Variants in TG observed in about 807,000 individuals in gnomAD.
The protein encoded by TG is thyroglobulin.
In TG, 270 loss-of-function variants were observed where a neutral mutation model predicts 324.7. The observed-to-expected ratio is 0.83, with a 90% CI of 0.75 to 0.92. The LOEUF (loss-of-function observed/expected upper bound fraction) is 0.92, where lower values mean the gene tolerates loss of function less well. TG is among the 40% of genes least tolerant of loss of function. The pLI, the probability that TG is intolerant of heterozygous loss-of-function variation, is 0.00. For missense variants in TG, 3,591 were observed against 3,456.4 expected, an observed-to-expected ratio of 1.04 and a Z score of -0.98; for synonymous variants, 1,401 against 1,327.0, an observed-to-expected ratio of 1.06 and a Z score of -1.21.
chr8:133,092,748 C>T (rs1847766273), intron 41 of TG, among the ~76,000 whole-genome samples: 1 of 152,188 alleles, frequency 6.6e-6, no homozygotes, highest in Non-Finnish European at 1.5e-5. Context: ...CAACTCCCCT[C>T]CTGCCCCCGA....
At chr8:132,966,529 G>T in intron 29 of TG, 31 bp from the exon 30 acceptor site, 1 of 1,613,628 alleles carries the variant, frequency 6.2e-7, no homozygotes, top group Non-Finnish European at 8.5e-7. Context: ...AGTTAAAGGT[G>T]CAGGAAGTTG....
intron 1 of TG, 128 bp downstream of exon 1, chr8:132,867,195 C>CG: frequency 3.1e-6 from 2 of 645,572 alleles, no homozygotes; most frequent in Non-Finnish European, 4.9e-6. Flanking sequence ...CAGTGATTTG[C>CG]TTTTTTTTTT....
chr8:132,882,727 G>C (rs1814823516), intron 7 of TG, 87 bp from the exon 8 acceptor site: 3 of 1,612,026 alleles, frequency 1.9e-6, no homozygotes, highest in Non-Finnish European at 2.5e-6. Context: ...GAGATGAAAA[G>C]AATCGTTAAG....
At chr8:133,007,331 A>G in intron 35 of TG, among the ~76,000 whole-genome samples, 1 of 151,918 alleles carries the variant, frequency 6.6e-6, no homozygotes, top group Non-Finnish European at 1.5e-5. Context: ...ATTTTTTTTT[A>G]AGTTTATGGA....
intron 35 of TG, chr8:132,988,601 G>A (rs1306427468): frequency 1.9e-6 from 1 of 536,228 alleles, no homozygotes; most frequent in Non-Finnish European, 2.4e-6. Context: ...TATCAACGGT[G>A]TATAGTGTAT....
At chr8:133,001,734 C>T in intron 35 of TG, 1 of 985,416 alleles carries the variant, frequency 1.0e-6, no homozygotes, top group Non-Finnish European at 1.2e-6. Flanking sequence ...TACAGGCCTC[C>T]AAGGCAGCTT....
intron 27 of TG, among the ~76,000 whole-genome samples, chr8:132,957,766 C>CACACACACAGACAG (rs1554680119): frequency 2.1e-5 from 3 of 145,492 alleles, no homozygotes; most frequent in African/African-American, 7.7e-5. Context: ...CACACACACA[C>CACACACACAGACAG]ACACACACAC....
At chr8:132,926,465 C>A (rs774429764) in intron 22 of TG, among the ~76,000 whole-genome samples, 1 of 152,242 alleles carries the variant, frequency 6.6e-6, no homozygotes, top group Non-Finnish European at 1.5e-5. Flanking sequence ...CCCCTCTGGG[C>A]TCTAACCTCA....
Position 132,888,249 on chromosome 8 carries a change from C to T in TG, c.2442C>T (p.Ser814=), listed in dbSNP as rs776488821. Reference sequence around the variant, plus strand: ...TCATGAGCTACAGAGAAGCAGCTTCCGGAAACTTCAGTCTCTTTATTCAAA... The same window carrying T: ...TCATGAGCTACAGAGAAGCAGCTTCTGGAAACTTCAGTCTCTTTATTCAAA... ...VKIMSYREAA[S]GNFSLFIQSL... is the part of the protein sequence containing the mutation. Residue 814 remains serine, a synonymous_variant, in exon 10 of 48, where the codon TCC becomes TCT. Transcript: ENST00000220616. 2.6e-5 allele frequency: 42 copies of T among 1,614,090 alleles called. No homozygotes were observed. Among genetic ancestry groups the T allele is most frequent in the Admixed American group, 1.2e-4 (7 of 60,006 alleles).
At chr8:132,947,718 T>C (rs1825522745) in intron 26 of TG, among the ~76,000 whole-genome samples, 1 of 152,122 alleles carries the variant, frequency 6.6e-6, no homozygotes. Context: ...TATAAATTTA[T>C]AAATCTGAAT....
At chr8:132,870,681 G>C (rs1420382219) in intron 3 of TG, among the ~76,000 whole-genome samples, 1 of 152,068 alleles carries the variant, frequency 6.6e-6, no homozygotes, top group East Asian at 1.9e-4. Flanking sequence ...CATGCCACTA[G>C]CTTCTGCTGC....
At chr8:133,102,833 G>A (rs72729560) in intron 43 of TG, 15,271 of 410,160 alleles carry the variant, frequency 0.037, 417 homozygotes, top group Non-Finnish European at 0.045. Context: ...GAAACAGAGC[G>A]CCTCCGCTGT....
At position 132,967,866 on chromosome 8, in the gene TG, C is replaced by G; in HGVS notation, c.5759C>G (p.Thr1920Ser). The change falls in exon 31 of 48, where the codon ACC becomes AGC. Residue 1920 changes from threonine (T) to serine (S), a missense_variant. Physicochemically the swap from Thr to Ser is moderately conservative, Grantham distance 58. Transcript: ENST00000220616. ...TESASLYFTCTLYPEAQVCDD... is the reference protein window; with the variant it reads ...TESASLYFTCSLYPEAQVCDD... The stretch of plus-strand genomic sequence containing the variant: ...AGTGCATCCTTGTACTTCACCTGCA[C>G]CCTCTACCCAGAGGCACAGGTGTGT... The G allele has an allele frequency of 6.2e-7, 1 of 1,614,012 alleles. No individual in the cohort carries two copies. The highest frequency in any genetic ancestry group is 8.5e-7 in the Non-Finnish European group (1 of 1,179,950).
At chr8:132,921,819 A>G (rs1563957976) in intron 21 of TG, among the ~76,000 whole-genome samples, 1 of 152,214 alleles carries the variant, frequency 6.6e-6, no homozygotes, top group Non-Finnish European at 1.5e-5. Flanking sequence ...AGGACATGCA[A>G]AGTATTCTAT....
At chr8:133,009,088 T>G (rs1834270031) in intron 35 of TG, among the ~76,000 whole-genome samples, 1 of 152,200 alleles carries the variant, frequency 6.6e-6, no homozygotes, top group Admixed American at 6.5e-5. Context: ...TGAACTGGTT[T>G]TCACTTGGAG....
intron 41 of TG, among the ~76,000 whole-genome samples, chr8:133,065,647 A>C (rs1384904496): frequency 6.6e-6 from 1 of 152,120 alleles, no homozygotes; most frequent in Non-Finnish European, 1.5e-5. Context: ...CTGTAATCCC[A>C]ACTACTCAGG....
chr8:133,029,754 G>A, intron 40 of TG, 67 bp from the exon 41 acceptor site: 1 of 1,600,060 alleles, frequency 6.2e-7, no homozygotes, highest in Non-Finnish European at 8.6e-7. Context: ...GCCATAGACA[G>A]CACCATGATT....
At chr8:132,924,602 TAAACC>T (rs1821567033) in intron 22 of TG, among the ~76,000 whole-genome samples, 1 of 152,162 alleles carries the variant, frequency 6.6e-6, no homozygotes, top group Non-Finnish European at 1.5e-5. Flanking sequence ...AAGTCCCAGG[TAAACC>T]ATCAGATATG....
intron 35 of TG, among the ~76,000 whole-genome samples, chr8:133,009,418 C>T (rs927283518): frequency 7.9e-5 from 12 of 152,096 alleles, no homozygotes; most frequent in African/African-American, 2.9e-4. Flanking sequence ...AGGATGGCAC[C>T]CACTGCTCCA....
Sources: allele counts gnomAD v4.1 joint callset (sites outside exome capture counted in the v4.1 genomes callset), GRCh38; gene constraint gnomAD v4.1.1; transcripts MANE v1.5; gene names NCBI Gene and HGNC (gene_info 2026-07-23, HGNC 2026-07-21).